CADPS: variants seen among roughly 807,000 people sequenced by gnomAD.
The protein encoded by CADPS is calcium dependent secretion activator.
CADPS carries 57 observed loss-of-function variants against 167.3 expected under a neutral mutation model. The observed-to-expected ratio is 0.34, with a 90% CI of 0.28 to 0.42. CADPS has a LOEUF of 0.42. Ranked by LOEUF, CADPS falls within the 20% of genes least tolerant of loss-of-function variation. The pLI is 1.00. For synonymous variants in CADPS, 676 were observed against 635.3 expected (o/e 1.06, Z -0.96); for missense variants, 1,414 against 1,738.1 (o/e 0.81, Z 3.32).
chr3:62,433,376 C>A lies in CADPS; in HGVS notation c.3777+4728G>T, dbSNP rs2054358654. 6.6e-6 allele frequency among the ~76,000 whole-genome samples: 1 copy of A among 152,128 alleles called. No individual in the cohort carries two copies. The highest frequency in any genetic ancestry group is 1.5e-5 in the Non-Finnish European group (1 of 68,024). On this transcript the variant is annotated intron_variant, in intron 28 of 29. Transcript: ENST00000383710. This position sits in a 1 kb window ranked among gnomAD's most constrained non-coding sequence, Gnocchi z 4.7. ...GGCAAAGAATACTGAGTAGCAGCCCCTTCCGAAGCTGACCACACTGCTTGA... is the reference window on the plus strand; with the variant it reads ...GGCAAAGAATACTGAGTAGCAGCCCATTCCGAAGCTGACCACACTGCTTGA...
chr3:62,756,787 C>G (rs1000231952), intron 2 of CADPS, among the ~76,000 whole-genome samples: 1 of 152,052 alleles, frequency 6.6e-6, no homozygotes, highest in Admixed American at 6.5e-5. Flanking sequence ...TGTGAAGACC[C>G]CAAGTGCCTG....
At chr3:62,538,823 T>C (rs1036137020) in intron 11 of CADPS, among the ~76,000 whole-genome samples, 1 of 152,166 alleles carries the variant, frequency 6.6e-6, no homozygotes, top group African/African-American at 2.4e-5. Flanking sequence ...ATGACCTATT[T>C]CACTTTGCTG....
chr3:62,485,471 T>C (rs967603586), intron 21 of CADPS, among the ~76,000 whole-genome samples: 13 of 152,228 alleles, frequency 8.5e-5, no homozygotes, highest in African/African-American at 2.7e-4. Context: ...TCTATTCTTA[T>C]GTCCTCATAA....
In CADPS at chr3:62,501,799, C is replaced by G. The variant is rs1238724257; in HGVS notation, c.2600-2531G>C. Among the ~76,000 whole-genome samples, 3 of 152,056 alleles carry G rather than the reference C, an allele frequency of 2.0e-5. No individual in the cohort carries two copies. In the East Asian group the frequency reaches 5.8e-4, roughly 29 times the overall value. On this transcript the variant is annotated intron_variant, in intron 17 of 29. Coordinates refer to ENST00000383710, the MANE Select transcript of CADPS (RefSeq NM_003716.4). ...AAATCCAAGATGTTGAAGCTAGGAC[C>G]ACCTGAAGATTTGTTTTAATAGGCA...
At chr3:62,860,372 T>C (rs1187356071) in intron 1 of CADPS, among the ~76,000 whole-genome samples, 2 of 152,296 alleles carry the variant, frequency 1.3e-5, no homozygotes, top group Non-Finnish European at 1.5e-5. Context: ...CAGATGATGA[T>C]GACAAATGGA....
intron 1 of CADPS, among the ~76,000 whole-genome samples, chr3:62,843,735 C>T (rs974036099): frequency 6.6e-6 from 1 of 152,142 alleles, no homozygotes; most frequent in Non-Finnish European, 1.5e-5. Context: ...CCTTAAATGA[C>T]ATTTCCTGGA....
chr3:62,643,798 A>G (rs2067937417), intron 6 of CADPS, among the ~76,000 whole-genome samples: 2 of 152,360 alleles, frequency 1.3e-5, no homozygotes, highest in South Asian at 4.1e-4. Flanking sequence ...GAAACACGAA[A>G]TAGGTTGTTC....
intron 6 of CADPS, among the ~76,000 whole-genome samples, chr3:62,640,213 C>T (rs1449291999): frequency 6.6e-6 from 1 of 152,170 alleles, no homozygotes; most frequent in Admixed American, 6.5e-5. Flanking sequence ...GAAAGATATT[C>T]TGCCTTGATG....
At chr3:62,401,865 T>C (rs1276951486) in intron 29 of CADPS, among the ~76,000 whole-genome samples, 1 of 152,234 alleles carries the variant, frequency 6.6e-6, no homozygotes, top group Non-Finnish European at 1.5e-5. Flanking sequence ...TTTTTAAGTA[T>C]GACAATTATA....
chr3:62,812,801 C>T (rs2152878740), intron 1 of CADPS, among the ~76,000 whole-genome samples: 1 of 152,272 alleles, frequency 6.6e-6, no homozygotes, highest in East Asian at 1.9e-4. Flanking sequence ...AGACCAAGGG[C>T]ATGCCTCTCC....
chr3:62,873,940 G>T lies in CADPS; in HGVS notation c.441+649C>A, dbSNP rs564344872. Among the ~76,000 whole-genome samples the T allele has an allele frequency of 2.6e-5, 4 of 152,328 alleles. No homozygotes were observed. The South Asian group carries it at 8.3e-4, about 32-fold the overall frequency. On this transcript the variant is annotated intron_variant, in intron 1 of 29. Transcript: ENST00000383710. ...AGAACTCCAGCCATAAGGAAGCAGT[G>T]CCCGAGGACACTTTGGCGACGCTAG...
intron 11 of CADPS, among the ~76,000 whole-genome samples, chr3:62,539,498 A>G (rs2075328374): frequency 6.6e-6 from 1 of 151,586 alleles, no homozygotes; most frequent in Non-Finnish European, 1.5e-5. Flanking sequence ...CATTGAGCTT[A>G]TTATATTTAC....
intron 21 of CADPS, among the ~76,000 whole-genome samples, chr3:62,483,576 T>C (rs888657907): frequency 8.5e-5 from 13 of 152,288 alleles, no homozygotes; most frequent in African/African-American, 2.4e-4. Context: ...CATAAATTTG[T>C]CCTTTACACC....
chr3:62,511,007 G>A (rs1665952963), intron 17 of CADPS, among the ~76,000 whole-genome samples: 1 of 152,076 alleles, frequency 6.6e-6, no homozygotes, highest in African/African-American at 2.4e-5. Context: ...CCTCTCTTCA[G>A]TCCTTTCTCT....
chr3:62,852,081 TC>T, intron 1 of CADPS, among the ~76,000 whole-genome samples: 1 of 147,894 alleles, frequency 6.8e-6, no homozygotes, highest in South Asian at 2.3e-4. Context: ...TCCTGAGGCT[TC>T]TGCATTCTTC....
At chr3:62,586,061 T>C (rs946834449) in intron 7 of CADPS, among the ~76,000 whole-genome samples, 2 of 152,242 alleles carry the variant, frequency 1.3e-5, no homozygotes, top group African/African-American at 4.8e-5. Flanking sequence ...AGTAACTCAC[T>C]AAATCCACTT....
chr3:62,687,551 C>T (rs547254049), intron 3 of CADPS, among the ~76,000 whole-genome samples: 5 of 151,984 alleles, frequency 3.3e-5, no homozygotes, highest in African/African-American at 1.2e-4. Context: ...GGTTGTGAGA[C>T]CCCAGGGTAC....
intron 10 of CADPS, among the ~76,000 whole-genome samples, chr3:62,554,115 A>G (rs571802186): frequency 3.8e-4 from 58 of 152,356 alleles, no homozygotes; most frequent in African/African-American, 1.2e-3. Flanking sequence ...AAACTGTGGC[A>G]TTGAATTATT....
chr3:62,846,633 G>A (rs1344366180), intron 1 of CADPS, among the ~76,000 whole-genome samples: 1 of 152,074 alleles, frequency 6.6e-6, no homozygotes. Context: ...ACCAAAGATT[G>A]GGTCTTTTTT....
Sources: gnomAD v4.1 joint callset for allele counts (sites outside exome capture counted in the v4.1 genomes callset) on GRCh38, gnomAD v4.1.1 for gene constraint, Gnocchi (gnomAD v3.1) non-coding constraint, MANE v1.5 for transcripts, NCBI Gene and HGNC (gene_info 2026-07-23, HGNC 2026-07-21) for gene names.